ARHGAP8: variants seen among roughly 807,000 people sequenced by gnomAD.
The protein encoded by ARHGAP8 is Rho GTPase activating protein 8.
In ARHGAP8, 62 loss-of-function variants were observed where a neutral mutation model predicts 46.1. That is an observed-to-expected ratio of 1.34 (90% CI 1.10 to 1.66). The LOEUF (loss-of-function observed/expected upper bound fraction) is 1.66, where lower values mean the gene tolerates loss of function less well. Ranked by LOEUF, ARHGAP8 falls within the 40% of genes most tolerant of loss-of-function variation. ARHGAP8 has a pLI of 0.00. For synonymous variants in ARHGAP8, 375 were observed against 243.1 expected, an observed-to-expected ratio of 1.54 and a Z score of -5.05; for missense variants, 923 against 568.4, an observed-to-expected ratio of 1.62 and a Z score of -6.34.
intron 5 of ARHGAP8, among the ~76,000 whole-genome samples, chr22:44,816,304 C>CGG (rs1447589924): frequency 2.3e-4 from 35 of 152,260 alleles, no homozygotes; most frequent in South Asian, 6.2e-4. Flanking sequence ...CACACTGTCT[C>CGG]CTTCCCATTT....
intron 11 of ARHGAP8, among the ~76,000 whole-genome samples, chr22:44,861,603 G>A (rs566235609): frequency 7.2e-5 from 11 of 152,302 alleles, no homozygotes; most frequent in African/African-American, 2.4e-4. Context: ...CCCTGTTTCT[G>A]ACTGAGGTTC....
At chr22:44,858,899 A>G (rs1323453913) in intron 10 of ARHGAP8, among the ~76,000 whole-genome samples, 1 of 151,534 alleles carries the variant, frequency 6.6e-6, no homozygotes, top group Non-Finnish European at 1.5e-5. Flanking sequence ...CAGATAGTAA[A>G]TATGTTAGGC....
chr22:44,862,150 C>T (rs2070521023), intron 11 of ARHGAP8, 125 bp from the exon 12 acceptor site: 1 of 1,185,164 alleles, frequency 8.4e-7, no homozygotes, highest in East Asian at 2.6e-5. Context: ...CCATTACTGG[C>T]TGCCGGCTCC....
At position 44,756,388 on chromosome 22, in the gene ARHGAP8, C is replaced by T. The variant is rs561585879; in HGVS notation, c.-72+3761C>T. ...GAGGCCCCTGCAGCTGGGACTCCCA[C>T]CTGACTCTCCAAAGCGGACCCCACG... On this transcript the variant is annotated intron_variant, in intron 1 of 11. Transcript: ENST00000356099. Among the ~76,000 whole-genome samples, 599 of 152,310 alleles carry T rather than the reference C, an allele frequency of 3.9e-3. 8 individuals carry two copies. The highest frequency in any genetic ancestry group is 0.014 in the African/African-American group (587 of 41,562).
intron 7 of ARHGAP8, among the ~76,000 whole-genome samples, chr22:44,827,184 G>A (rs942352862): frequency 6.6e-6 from 1 of 151,960 alleles, no homozygotes; most frequent in Non-Finnish European, 1.5e-5. Flanking sequence ...GGGGTGCGGG[G>A]CCAGAAGCCA....
intron 2 of ARHGAP8, among the ~76,000 whole-genome samples, chr22:44,798,905 C>T (rs998561107): frequency 1.5e-5 from 2 of 136,822 alleles, no homozygotes; most frequent in South Asian, 4.5e-4. Context: ...GCTGGGATTA[C>T]AGGCATGTGC....
intron 11 of ARHGAP8, among the ~76,000 whole-genome samples, chr22:44,860,081 G>A (rs918097044): frequency 7.2e-5 from 11 of 152,124 alleles, no homozygotes; most frequent in African/African-American, 2.4e-4. Flanking sequence ...CTGTCCCTCA[G>A]CCATTGCCAG....
chr22:44,794,834 A>G (rs1345053469), intron 2 of ARHGAP8, among the ~76,000 whole-genome samples: 2 of 152,160 alleles, frequency 1.3e-5, no homozygotes, highest in Non-Finnish European at 2.9e-5. Flanking sequence ...TCATAAGCTT[A>G]TGAGATCTGA....
chr22:44,835,898 C>T (rs910787002), intron 7 of ARHGAP8, among the ~76,000 whole-genome samples: 13 of 149,752 alleles, frequency 8.7e-5, no homozygotes, highest in Admixed American at 6.8e-5. Context: ...TGCTCTTCTT[C>T]GGTCTCCTGT....
intron 4 of ARHGAP8, among the ~76,000 whole-genome samples, chr22:44,810,302 C>T (rs184119277): frequency 1.2e-4 from 17 of 137,106 alleles, no homozygotes; most frequent in East Asian, 8.9e-4. Context: ...AGCACAGTGG[C>T]GAGATCTCGG....
In ARHGAP8 at chr22:44,848,961, G is replaced by A. The variant is rs769297675; in HGVS notation, c.778G>A (p.Asp260Asn). 6.2e-7 allele frequency: 1 copy of A among 1,614,110 alleles called. No individual in the cohort carries two copies. The highest frequency in any genetic ancestry group is 1.1e-5 in the South Asian group (1 of 91,078). Residue 260 changes from aspartate (D) to asparagine (N), a missense_variant, in exon 10 of 12, where the codon GAC becomes AAC. By Grantham distance (23) the Asp-to-Asn change is conservative. Transcript: ENST00000356099. ...GKPVNFDDYG[D>N]IHIPAVILKT... ...GCCCGTGAACTTTGACGACTACGGG[G>A]ACATTCACATCCCTGCCGTGATCCT... is the stretch of plus-strand genomic sequence containing the variant.
chr22:44,762,132 G>A (rs1402089032), intron 1 of ARHGAP8, among the ~76,000 whole-genome samples: 6 of 152,226 alleles, frequency 3.9e-5, no homozygotes, highest in South Asian at 4.1e-4. Flanking sequence ...ACCTGCAGGT[G>A]GGGGCTGTGG....
intron 2 of ARHGAP8, among the ~76,000 whole-genome samples, chr22:44,799,024 G>A (rs1928294717): frequency 6.6e-6 from 1 of 152,222 alleles, no homozygotes; most frequent in African/African-American, 2.4e-5. Context: ...AAAGTGCTGG[G>A]AGGAGGGGCT....
At chr22:44,840,888 G>A (rs1931608491) in intron 7 of ARHGAP8, among the ~76,000 whole-genome samples, 1 of 152,204 alleles carries the variant, frequency 6.6e-6, no homozygotes, top group African/African-American at 2.4e-5. Flanking sequence ...AGTGTCTGAG[G>A]TGAGCCAGGC....
At chr22:44,824,312 G>A (rs139831316) in intron 6 of ARHGAP8, among the ~76,000 whole-genome samples, 2 of 152,348 alleles carry the variant, frequency 1.3e-5, no homozygotes, top group Non-Finnish European at 2.9e-5. Context: ...GGGGCGCAGA[G>A]CGCTGTGATT....
intron 11 of ARHGAP8, among the ~76,000 whole-genome samples, chr22:44,861,499 T>C (rs933199844): frequency 6.6e-6 from 1 of 152,058 alleles, no homozygotes; most frequent in Non-Finnish European, 1.5e-5. Flanking sequence ...TCCAGCCATC[T>C]CACCTGAGCA....
At chr22:44,825,964 T>A (rs141978404) in intron 7 of ARHGAP8, among the ~76,000 whole-genome samples, 1 of 132,142 alleles carries the variant, frequency 7.6e-6, no homozygotes, top group African/African-American at 2.8e-5. Flanking sequence ...CTGTGCCTGA[T>A]TGGGGGGACC....
At chr22:44,756,115 T>C (rs969470639) in intron 1 of ARHGAP8, among the ~76,000 whole-genome samples, 6 of 151,964 alleles carry the variant, frequency 3.9e-5, no homozygotes, top group African/African-American at 1.4e-4. Flanking sequence ...CAGTTCTTTC[T>C]TCAGTGGCCT....
In ARHGAP8 at chr22:44,822,403, A is replaced by G. The variant is rs768715330; in HGVS notation, c.419A>G (p.Asn140Ser). 60 of 1,582,884 alleles carry G rather than the reference A, an allele frequency of 3.8e-5. No individual in the cohort carries two copies. Among genetic ancestry groups the G allele is most frequent in the Non-Finnish European group, 4.7e-5 (55 of 1,170,090 alleles). The change falls in exon 6 of 12, where the codon AAC (asparagine) becomes AGC (serine). Residue 140 changes from asparagine (N) to serine (S), a missense_variant. Physicochemically the swap from Asn to Ser is conservative, Grantham distance 46 (BLOSUM62 1). Coordinates refer to ENST00000356099, the MANE Select transcript of ARHGAP8 (RefSeq NM_181335.3). ...TTTGGGAAGAAAGTCATCTATTTCA[A>G]CTACCTGAGTGAGCTCCACGAACAC... Reference protein sequence around the residue: ...HKFGKKVIYFNYLSELHEHLK... With the variant: ...HKFGKKVIYFSYLSELHEHLK...
Sources: gnomAD v4.1 joint callset for allele counts (sites outside exome capture counted in the v4.1 genomes callset) on GRCh38, gnomAD v4.1.1 for gene constraint, MANE v1.5 for transcripts, NCBI Gene and HGNC (gene_info 2026-07-23, HGNC 2026-07-21) for gene names.